Variants in SEC23A observed in about 807,000 individuals in gnomAD.
The protein encoded by SEC23A is SEC23 homolog A, COPII component, also known as protein transport protein Sec23A.
A neutral mutation model predicts 103.7 loss-of-function variants in SEC23A; 56 were observed. The observed-to-expected ratio is 0.54, with a 90% CI of 0.44 to 0.67. The LOEUF is 0.67. SEC23A is among the 30% of genes least tolerant of loss of function. SEC23A has a pLI of 0.00. For missense variants in SEC23A, 784 were observed against 936.4 expected, an observed-to-expected ratio of 0.84 and a Z score of 2.12; for synonymous variants, 281 against 293.0, an observed-to-expected ratio of 0.96 and a Z score of 0.42.
At chr14:39,076,795 C>T (rs1219518751) in intron 7 of SEC23A, among the ~76,000 whole-genome samples, 1 of 151,634 alleles carries the variant, frequency 6.6e-6, no homozygotes, top group Non-Finnish European at 1.5e-5. Flanking sequence ...GGCAGGGTGG[C>T]AGACGCCTAT....
intron 9 of SEC23A, among the ~76,000 whole-genome samples, chr14:39,070,113 T>C (rs1272132735): frequency 6.6e-6 from 1 of 152,212 alleles, no homozygotes; most frequent in African/African-American, 2.4e-5. Context: ...AAAGAATATA[T>C]CCATTGCGAA....
chr14:39,091,726 T>C lies in SEC23A; in HGVS notation c.367-13A>G, dbSNP rs1377520410. ...TCTGAGGACCACGCTTTTAAAAAAT[T>C]CACCAAAAAGAAAAAATATGTAGTT... On this transcript the variant is annotated splice_polypyrimidine_tract_variant and intron_variant, in intron 4 of 19. Coordinates refer to ENST00000307712, the MANE Select transcript of SEC23A (RefSeq NM_006364.4). 2 of 1,586,190 alleles carry C rather than the reference T, an allele frequency of 1.3e-6. No homozygotes were observed. The highest frequency in any genetic ancestry group is 2.2e-5 in the South Asian group (2 of 90,464).
intron 5 of SEC23A, chr14:39,090,875 G>T: frequency 8.0e-6 from 2 of 251,166 alleles, no homozygotes; most frequent in South Asian, 4.3e-5. Flanking sequence ...TATAAATGTT[G>T]AACCTTTCTG....
At chr14:39,099,555 ATTTG>A (rs1327939354) in intron 1 of SEC23A, among the ~76,000 whole-genome samples, 1 of 152,140 alleles carries the variant, frequency 6.6e-6, no homozygotes, top group East Asian at 1.9e-4. Flanking sequence ...TATTAATGTA[ATTTG>A]TTTGATAGTA....
At chr14:39,066,442 A>C (rs925712651) in intron 10 of SEC23A, among the ~76,000 whole-genome samples, 19 of 152,102 alleles carry the variant, frequency 1.2e-4, no homozygotes, top group Non-Finnish European at 2.2e-4. Flanking sequence ...TCATAAAACA[A>C]TTACTGATTA....
chr14:39,086,023 T>C (rs1050450657), intron 6 of SEC23A, 117 bp from the exon 7 acceptor site: 16 of 914,952 alleles, frequency 1.7e-5, no homozygotes, highest in Admixed American at 9.2e-5. Context: ...AGCAGACCAA[T>C]GGTTCTCAAA....
intron 7 of SEC23A, among the ~76,000 whole-genome samples, chr14:39,084,372 C>G (rs544181329): frequency 6.6e-6 from 1 of 152,238 alleles, no homozygotes; most frequent in African/African-American, 2.4e-5. Context: ...ATAAAATTTT[C>G]AAATTCTACT....
chr14:39,096,028 C>G lies in SEC23A; in HGVS notation c.91G>C (p.Ala31Pro). 1 of 1,614,106 alleles carries G rather than the reference C, an allele frequency of 6.2e-7. No homozygotes were observed. The change falls in exon 2 of 20, where the codon GCT becomes CCT. Residue 31 changes from alanine to proline, a missense_variant. This residue lies in a region of SEC23A where 683 missense variants were observed against 774.2 expected (regional missense o/e 0.88). Coordinates refer to ENST00000307712, the MANE Select transcript of SEC23A (RefSeq NM_006364.4). ...GCCACAGGAACAACCATTCTTGTAGCTTCCAGTCGACTTGATGGCCAAACA... is the reference window on the plus strand; with the variant it reads ...GCCACAGGAACAACCATTCTTGTAGGTTCCAGTCGACTTGATGGCCAAACA... Reference protein sequence around the residue: ...WNVWPSSRLEATRMVVPVAAL... With the variant: ...WNVWPSSRLEPTRMVVPVAAL...
chr14:39,044,925 TC>T (rs1885777560), intron 16 of SEC23A, among the ~76,000 whole-genome samples: 1 of 152,150 alleles, frequency 6.6e-6, no homozygotes, highest in African/African-American at 2.4e-5. Flanking sequence ...TCTGAAAGTC[TC>T]TTCCATCTCC....
rs571618754 is a variant in SEC23A at position 39,093,024 on chromosome 14, C to G, written c.279+163G>C. On this transcript the variant is annotated intron_variant, in intron 3 of 19. Transcript: ENST00000307712. ...GACTACAGGCGCCTGCCACCACGCC[C>G]AGCTAATTTTTTTTTTGTATTTTTA... 2.3e-4 allele frequency: 124 copies of G among 548,128 alleles called. 1 individual carries two copies. Among genetic ancestry groups the G allele is most frequent in the African/African-American group, 2.2e-3 (115 of 51,858 alleles). The allele number at this position is 548,128 out of a possible 1,614,324, so 34.0% of individuals were successfully genotyped here.
chr14:39,066,210 G>A (rs1185875666), intron 10 of SEC23A, among the ~76,000 whole-genome samples: 6 of 151,902 alleles, frequency 3.9e-5, no homozygotes, highest in Non-Finnish European at 5.9e-5. Context: ...ATAGCAAGAC[G>A]TGTACCTTAG....
chr14:39,060,103 A>ATGTG (rs34799711), intron 13 of SEC23A, among the ~76,000 whole-genome samples: 39 of 151,126 alleles, frequency 2.6e-4, no homozygotes, highest in African/African-American at 4.6e-4. Flanking sequence ...GTGCACACAC[A>ATGTG]TGTGTGTGTG....
intron 7 of SEC23A, among the ~76,000 whole-genome samples, chr14:39,077,252 AAAAG>A (rs1887065426): frequency 6.7e-6 from 1 of 148,982 alleles, no homozygotes; most frequent in Non-Finnish European, 1.5e-5. Flanking sequence ...AAAAAAAAAA[AAAAG>A]AAAGAGGCCC....
At chr14:39,055,410 ATTTTT>A in intron 13 of SEC23A, 114 bp from the exon 14 acceptor site, 1 of 816,170 alleles carries the variant, frequency 1.2e-6, no homozygotes. Flanking sequence ...AACTACTAGG[ATTTTT>A]TTTTTTTTTT....
chr14:39,102,496 T>C (rs1338892685), intron 1 of SEC23A, among the ~76,000 whole-genome samples: 1 of 152,204 alleles, frequency 6.6e-6, no homozygotes, highest in Non-Finnish European at 1.5e-5. Flanking sequence ...CGGGAAACAC[T>C]ACCTACCGTA....
chr14:39,094,395 CACAT>C lies in SEC23A; in HGVS notation c.222-1155_222-1152del, dbSNP rs1169083736. On this transcript the variant is annotated intron_variant, in intron 2 of 19. Coordinates refer to ENST00000307712, the MANE Select transcript of SEC23A (RefSeq NM_006364.4). Reference sequence around the variant, plus strand: ...ATATACACACACACACACACACACACACATATATATATATATATATATATATATA... The same window carrying C: ...ATATACACACACACACACACACACACATATATATATATATATATATATATA... Among the ~76,000 whole-genome samples the C allele has an allele frequency of 5.7e-3, 63 of 11,114 alleles. 10 individuals carry two copies. Among genetic ancestry groups the C allele is most frequent in the African/African-American group, 6.8e-3 (32 of 4,690 alleles). 7.3% of individuals were successfully genotyped at this position (11,114 alleles called of 152,430 possible).
At chr14:39,084,060 T>C (rs992865105) in intron 7 of SEC23A, among the ~76,000 whole-genome samples, 8 of 151,838 alleles carry the variant, frequency 5.3e-5, no homozygotes, top group Non-Finnish European at 1.2e-4. Flanking sequence ...CTCTCTCTGT[T>C]GCCCAGGCTG....
chr14:39,064,009 T>C (rs918958833), intron 11 of SEC23A, among the ~76,000 whole-genome samples: 3 of 88,458 alleles, frequency 3.4e-5, no homozygotes, highest in East Asian at 7.5e-4. Flanking sequence ...AAAAATAAAA[T>C]AAAAAATAAA....
intron 16 of SEC23A, 60 bp downstream of exon 16, chr14:39,045,103 C>A: frequency 2.0e-6 from 3 of 1,489,374 alleles, no homozygotes; most frequent in Middle Eastern, 1.7e-4. Context: ...GTTATTTTCA[C>A]TTTTTTAATG....
Sources: gnomAD v4.1 joint callset for allele counts (sites outside exome capture counted in the v4.1 genomes callset) on GRCh38, gnomAD v4.1.1 for gene constraint, gnomAD v4.1.1 regional missense constraint, MANE v1.5 for transcripts, NCBI Gene and HGNC (gene_info 2026-07-23, HGNC 2026-07-21) for gene names.